The following ARHGAP28 variants were observed in gnomAD, a reference collection of about 807,000 sequenced individuals.
The protein encoded by ARHGAP28 is Rho GTPase activating protein 28.
In ARHGAP28, 56 loss-of-function variants were observed where a neutral mutation model predicts 90.7. The observed-to-expected ratio is 0.62, with a 90% CI of 0.50 to 0.77. ARHGAP28 has a LOEUF of 0.77. ARHGAP28 is among the 30% of genes least tolerant of loss of function. The pLI, the probability that ARHGAP28 is intolerant of heterozygous loss-of-function variation, is 0.00. For missense variants in ARHGAP28, 869 were observed against 900.9 expected, an observed-to-expected ratio of 0.96 and a Z score of 0.45; for synonymous variants, 308 against 323.3, an observed-to-expected ratio of 0.95 and a Z score of 0.51.
intron 1 of ARHGAP28, among the ~76,000 whole-genome samples, chr18:6,815,694 C>G (rs2056585694): frequency 6.6e-6 from 1 of 152,138 alleles, no homozygotes; most frequent in African/African-American, 2.4e-5. Flanking sequence ...TACACACACA[C>G]ATATATAATT....
At chr18:6,821,334 G>A (rs916404108) in intron 1 of ARHGAP28, among the ~76,000 whole-genome samples, 1 of 152,104 alleles carries the variant, frequency 6.6e-6, no homozygotes, top group Non-Finnish European at 1.5e-5. Flanking sequence ...AAACCTTGTG[G>A]TGTTTTTCCA....
At chr18:6,860,120 C>G (rs1340397880) in intron 5 of ARHGAP28, among the ~76,000 whole-genome samples, 1 of 152,166 alleles carries the variant, frequency 6.6e-6, no homozygotes, top group Non-Finnish European at 1.5e-5. Context: ...TCACTGCAGC[C>G]AGAAATCAAA....
intron 16 of ARHGAP28, among the ~76,000 whole-genome samples, chr18:6,900,372 T>G (rs963001683): frequency 2.6e-5 from 4 of 152,210 alleles, no homozygotes; most frequent in Non-Finnish European, 4.4e-5. Context: ...AAGAATTTTA[T>G]AGCAACTATC....
At chr18:6,909,230 GATA>G (rs2143864293) in intron 17 of ARHGAP28, among the ~76,000 whole-genome samples, 1 of 146,560 alleles carries the variant, frequency 6.8e-6, no homozygotes, top group South Asian at 2.2e-4. Flanking sequence ...TTTTAATGTT[GATA>G]TGGAGTAGGC....
At chr18:6,730,219 G>GTATA (rs374482561) in intron 1 of ARHGAP28, 2,879 of 158,436 alleles carry the variant, frequency 0.018, 102 homozygotes, top group Non-Finnish European at 0.022. Context: ...GATAAGTCAT[G>GTATA]TGTATATATA....
At chr18:6,845,123 G>A (rs1226232891) in intron 3 of ARHGAP28, among the ~76,000 whole-genome samples, 3 of 152,236 alleles carry the variant, frequency 2.0e-5, no homozygotes, top group East Asian at 1.9e-4. Flanking sequence ...CTGTCACCCA[G>A]GCTGCAGTGC....
chr18:6,743,439 G>A (rs1246101844), intron 1 of ARHGAP28, among the ~76,000 whole-genome samples: 1 of 152,158 alleles, frequency 6.6e-6, no homozygotes, highest in Admixed American at 6.5e-5. Context: ...TAACTGTGGA[G>A]GCTGAAATGT....
chr18:6,853,759 G>A (rs1004803967), intron 4 of ARHGAP28, among the ~76,000 whole-genome samples: 1 of 152,166 alleles, frequency 6.6e-6, no homozygotes, highest in East Asian at 1.9e-4. Context: ...ACAGGCATAA[G>A]CCACTGTGCC....
chr18:6,819,105 C>T (rs954794965), intron 1 of ARHGAP28, among the ~76,000 whole-genome samples: 2 of 152,042 alleles, frequency 1.3e-5, no homozygotes, highest in African/African-American at 4.8e-5. Flanking sequence ...ATAATAAAGG[C>T]CCATAGAGTA....
intron 1 of ARHGAP28, among the ~76,000 whole-genome samples, chr18:6,756,218 A>G (rs944639763): frequency 6.6e-6 from 1 of 152,192 alleles, no homozygotes; most frequent in African/African-American, 2.4e-5. Flanking sequence ...AGAGCCAACT[A>G]TTCTTTTATT....
intron 1 of ARHGAP28, among the ~76,000 whole-genome samples, chr18:6,786,438 T>C (rs2056365341): frequency 6.6e-6 from 1 of 152,074 alleles, no homozygotes; most frequent in Admixed American, 6.6e-5. Context: ...GAGAACCCAG[T>C]GGAGAAGAGC....
chr18:6,880,306 A>G (rs2057167382), intron 10 of ARHGAP28, among the ~76,000 whole-genome samples: 2 of 152,038 alleles, frequency 1.3e-5, no homozygotes, highest in South Asian at 2.1e-4. Flanking sequence ...CATTTCTTCA[A>G]TGCCTCCTCT....
chr18:6,840,882 T>A (rs2056802275), intron 3 of ARHGAP28, among the ~76,000 whole-genome samples: 1 of 152,182 alleles, frequency 6.6e-6, no homozygotes, highest in South Asian at 2.1e-4. Flanking sequence ...TTGTTCCTTG[T>A]CAGAGATGTA....
intron 1 of ARHGAP28, among the ~76,000 whole-genome samples, chr18:6,765,688 C>T (rs182718392): frequency 9.8e-4 from 149 of 152,056 alleles, no homozygotes; most frequent in Non-Finnish European, 1.7e-3. Flanking sequence ...TAATAGCTTC[C>T]GTAAGATGGA....
chr18:6,870,645 A>C lies in ARHGAP28; in HGVS notation c.867A>C (p.Glu289Asp). ...CAGAGGCTGAAGAGCTGTCATTTGA[A>C]GTGTCTTATTCAGAAATGGTTACGG... ...IPPEAEELSF[E>D]VSYSEMVTEA... The change falls in exon 7 of 18, where the codon GAA becomes GAC. Residue 289 changes from glutamate to aspartate, a missense_variant. Glu to Asp is a conservative substitution (Grantham distance 45). Transcript: ENST00000383472. The C allele has an allele frequency of 1.2e-6, 2 of 1,612,966 alleles. No homozygotes were observed. The highest frequency in any genetic ancestry group is 2.2e-5 in the South Asian group (2 of 90,944).
Position 6,869,253 on chromosome 18 carries a change from C to CA in ARHGAP28, c.811+1019_811+1020insA, listed in dbSNP as rs1491377835. The stretch of plus-strand genomic sequence containing the variant: ...GCATCATAGCTCTCCTTTTGCCATT[C>CA]TTTTTTTTTTTTTTTTTTTTTTTTG... On this transcript the variant is annotated intron_variant, in intron 6 of 17. Transcript: ENST00000383472. 5.9e-5 allele frequency among the ~76,000 whole-genome samples: 4 copies of CA among 68,040 alleles called. No homozygotes were observed. The East Asian group carries it at 1.9e-3, about 32-fold the overall frequency. The allele number at this position is 68,040 out of a possible 152,430, so 44.6% of individuals were successfully genotyped here.
At chr18:6,859,369 C>A (rs1600255202) in intron 4 of ARHGAP28, among the ~76,000 whole-genome samples, 6 of 152,302 alleles carry the variant, frequency 3.9e-5, no homozygotes, top group African/African-American at 1.4e-4. Context: ...ACATGCCTGG[C>A]AGCTCCAGGC....
chr18:6,740,592 A>G (rs11659156), intron 1 of ARHGAP28, among the ~76,000 whole-genome samples: 36,062 of 152,098 alleles, frequency 0.24, 4,873 homozygotes, highest in Non-Finnish European at 0.32. Context: ...TCATTTTAAT[A>G]AACTTTAGTT....
chr18:6,789,132 G>A (rs2056387766), intron 1 of ARHGAP28: 1 of 152,326 alleles, frequency 6.6e-6, no homozygotes, highest in Non-Finnish European at 1.5e-5. Context: ...TCTGTGTGTT[G>A]GTGATGAATT....
Sources: allele counts gnomAD v4.1 joint callset (sites outside exome capture counted in the v4.1 genomes callset), GRCh38; gene constraint gnomAD v4.1.1; transcripts MANE v1.5; gene names NCBI Gene and HGNC (gene_info 2026-07-23, HGNC 2026-07-21).